The following PAPLN variants were observed in gnomAD, a reference collection of about 807,000 sequenced individuals.
PAPLN encodes the protein papilin, proteoglycan like sulfated glycoprotein.
PAPLN carries 146 observed loss-of-function variants against 159.0 expected under a neutral mutation model. The ratio of observed to expected loss-of-function variants is 0.92; its 90% confidence interval spans 0.80 to 1.05. The LOEUF (loss-of-function observed/expected upper bound fraction) is 1.05, where lower values mean the gene tolerates loss of function less well. Among genes scored for constraint, PAPLN ranks in the 50% least tolerant of loss-of-function variants. The pLI, the probability that PAPLN is intolerant of heterozygous loss-of-function variation, is 0.00. For synonymous variants in PAPLN, 734 were observed against 702.9 expected, an observed-to-expected ratio of 1.04 and a Z score of -0.70; for missense variants, 1,720 against 1,743.9, an observed-to-expected ratio of 0.99 and a Z score of 0.24.
intron 18 of PAPLN, among the ~76,000 whole-genome samples, chr14:73,261,833 A>G (rs1395136187): frequency 6.6e-6 from 1 of 151,924 alleles, no homozygotes; most frequent in Non-Finnish European, 1.5e-5. Flanking sequence ...ATGTGGAGAG[A>G]TGGGTCAGGC....
intron 11 of PAPLN, chr14:73,253,012 G>A: frequency 1.9e-6 from 2 of 1,050,756 alleles, no homozygotes; most frequent in South Asian, 1.4e-5. Flanking sequence ...GAACACCTAG[G>A]CTTGGTGGCA....
chr14:73,247,671 T>TGCGC (rs1884592213), intron 5 of PAPLN, among the ~76,000 whole-genome samples: 1 of 149,268 alleles, frequency 6.7e-6, no homozygotes, highest in Non-Finnish European at 1.5e-5. Context: ...TGCGTGTGTG[T>TGCGC]GTGTGTGTGT....
At position 73,250,339 on chromosome 14, in the gene PAPLN, C is replaced by T. The variant is rs907199230; in HGVS notation, c.465+225C>T. Among the ~76,000 whole-genome samples the T allele has an allele frequency of 3.3e-5, 5 of 152,216 alleles. No individual in the cohort carries two copies. In the East Asian group the frequency reaches 5.8e-4, roughly 18 times the overall value. On this transcript the variant is annotated intron_variant, in intron 6 of 26. Coordinates refer to ENST00000644200, the MANE Select transcript of PAPLN (RefSeq NM_001365906.3). ...AACGCTAGCCCTACAATAAGAGAAA[C>T]CCTCTGGGTGGCAGAAATCCGGCTA...
At chr14:73,262,150 C>T in intron 18 of PAPLN, 200 bp from the exon 19 acceptor site, 1 of 559,100 alleles carries the variant, frequency 1.8e-6, no homozygotes. Context: ...GTGGCACCAG[C>T]CGGGGGCAGG....
chr14:73,263,407 T>C, intron 19 of PAPLN: 1 of 580,606 alleles, frequency 1.7e-6, no homozygotes, highest in South Asian at 2.1e-5. Context: ...ACCTACCTTG[T>C]TGCTGCTACA....
chr14:73,272,807 G>GT lies in PAPLN; in HGVS notation c.*146dup. 1.1e-6 allele frequency: 1 copy of GT among 892,254 alleles called. No individual in the cohort carries two copies. The highest frequency in any genetic ancestry group is 3.9e-5 in the South Asian group (1 of 25,834). 55.3% of individuals were successfully genotyped at this position (892,254 alleles called of 1,614,324 possible). On this transcript the variant is annotated 3_prime_UTR_variant, in exon 27 of 27. Coordinates refer to ENST00000644200, the MANE Select transcript of PAPLN (RefSeq NM_001365906.3). ...TAGCTCTTTCAAAAACCCACCCAGT[G>GT]TTTAGCCTCAACGGCAGCCAGTTAC...
At position 73,250,010 on chromosome 14, in the gene PAPLN, A is replaced by G. The variant is rs1885052353; in HGVS notation, c.361A>G (p.Ile121Val). The G allele has an allele frequency of 6.2e-7, 1 of 1,611,820 alleles. No homozygotes were observed. Among genetic ancestry groups the G allele is most frequent in the Non-Finnish European group, 8.5e-7 (1 of 1,179,032 alleles). Residue 121 changes from isoleucine to valine, a missense_variant, in exon 6 of 27, where the codon ATT becomes GTT. Coordinates refer to ENST00000644200, the MANE Select transcript of PAPLN (RefSeq NM_001365906.3). ...SAPNKCELNC[I>V]PKGENFYYKH... is the part of the protein sequence containing the mutation. The stretch of plus-strand genomic sequence containing the variant: ...CCCAAACAAGTGTGAACTGAACTGC[A>G]TTCCCAAGGGGGAGAACTTCTACTA...
In PAPLN at chr14:73,264,246, A is replaced by C. The variant is rs768343991; in HGVS notation, c.2897A>C (p.His966Pro). ...RLQFDGSLII[H>P]PLQAEDAGTY... Reference sequence around the variant, plus strand: ...CAGTTCGACGGATCCCTGATCATCCACCCCCTGCAGGCAGAGGACGCGGGC... The same window carrying C: ...CAGTTCGACGGATCCCTGATCATCCCCCCCCTGCAGGCAGAGGACGCGGGC... The change falls in exon 21 of 27, where the codon CAC becomes CCC. Residue 966 changes from histidine to proline, a missense_variant. Coordinates refer to ENST00000644200, the MANE Select transcript of PAPLN (RefSeq NM_001365906.3). 6.2e-7 allele frequency: 1 copy of C among 1,613,112 alleles called. No homozygotes were observed. The highest frequency in any genetic ancestry group is 1.1e-5 in the South Asian group (1 of 91,020).
intron 6 of PAPLN, 107 bp from the exon 7 acceptor site, chr14:73,250,800 C>T: frequency 7.3e-7 from 1 of 1,366,042 alleles, no homozygotes. Context: ...TCCCGACCAC[C>T]CTATCCTGCC....
Position 73,264,010 on chromosome 14 carries a change from G to GTGTGTGTGACGGCCCCCCTACC in PAPLN, c.2862-200_2862-199insGTGTGTGACGGCCCCCCTACCT. The GTGTGTGTGACGGCCCCCCTACC allele has an allele frequency of 2.0e-6, 3 of 1,515,218 alleles. No homozygotes were observed. The East Asian group carries it at 7.6e-5, about 39-fold the overall frequency. 93.9% of individuals were successfully genotyped at this position (1,515,218 alleles called of 1,614,324 possible). A position where few individuals can be genotyped will look rare whatever the true frequency, so the allele number is the denominator to read the frequency against. ...ACAGCCCCCCGACCTCCTCTGACAG[G>GTGTGTGTGACGGCCCCCCTACC]TTCACGTGACAGCTCCCTCCACCTC... On this transcript the variant is annotated intron_variant, in intron 20 of 26. Transcript: ENST00000644200.
chr14:73,270,641 G>A (rs1014101118), intron 26 of PAPLN, among the ~76,000 whole-genome samples: 1 of 152,226 alleles, frequency 6.6e-6, no homozygotes, highest in African/African-American at 2.4e-5. Flanking sequence ...CAGATTCACA[G>A]TGAGAGAACT....
chr14:73,247,653 TGTGTGTGTGC>T (rs1884580440), intron 5 of PAPLN, among the ~76,000 whole-genome samples: 3 of 140,736 alleles, frequency 2.1e-5, no homozygotes, highest in South Asian at 2.3e-4. Flanking sequence ...TCTTATCCTG[TGTGTGTGTGC>T]GTGTGTGTGT....
intron 26 of PAPLN, among the ~76,000 whole-genome samples, chr14:73,269,789 T>C (rs1466838846): frequency 6.6e-6 from 1 of 152,222 alleles, no homozygotes; most frequent in Non-Finnish European, 1.5e-5. Flanking sequence ...GGGCCCTTCC[T>C]GCCTGGTCTT....
At position 73,245,667 on chromosome 14, in the gene PAPLN, G is replaced by T. The variant is rs769846702; in HGVS notation, c.202G>T (p.Ala68Ser). The T allele has an allele frequency of 2.6e-6, 4 of 1,557,074 alleles. No homozygotes were observed. The highest frequency in any genetic ancestry group is 1.4e-5 in the African/African-American group (1 of 73,706). ...TGGAGGCTCCAGCTGCGTGGGCCCC[G>T]CCCGGAGCCACCGCTCTTGTCGCAC... ...RDGGSSCVGP[A>S]RSHRSCRTES... Residue 68 changes from alanine to serine, a missense_variant, in exon 4 of 27, where the codon GCC (alanine) becomes TCC (serine). Physicochemically the swap from Ala to Ser is moderately conservative, Grantham distance 99. Coordinates refer to ENST00000644200, the MANE Select transcript of PAPLN (RefSeq NM_001365906.3). The surrounding 1 kb of genome is among the most constrained non-coding windows in gnomAD (Gnocchi z 4.2).
Position 73,251,777 on chromosome 14 carries a change from GA to G in PAPLN, c.785del (p.Asp262AlafsTer210). ...ILHYERGAEG[D>X]LAPERLHARG... ...GCATTACGAGCGGGGTGCTGAGGGG[GA>G]CCTGGCCCCTGAGCGACTCCATGCC... On this transcript the variant is annotated frameshift_variant, in exon 9 of 27. Coordinates refer to ENST00000644200, the MANE Select transcript of PAPLN (RefSeq NM_001365906.3). LOFTEE classifies it high-confidence loss of function. 6.2e-7 allele frequency: 1 copy of G among 1,609,884 alleles called. No individual in the cohort carries two copies. Among genetic ancestry groups the G allele is most frequent in the East Asian group, 2.2e-5 (1 of 44,872 alleles).
intron 15 of PAPLN, 100 bp from the exon 16 acceptor site, chr14:73,259,169 G>A (rs1566694744): frequency 6.6e-7 from 1 of 1,525,290 alleles, no homozygotes; most frequent in African/African-American, 1.4e-5. Context: ...GTGGAAGGGA[G>A]AATGGTCCAG....
In PAPLN at chr14:73,263,777, T is replaced by C. The variant is rs1220958400; in HGVS notation, c.2856T>C (p.Ser952=). The C allele has an allele frequency of 1.2e-6, 2 of 1,602,214 alleles. No homozygotes were observed. The highest frequency in any genetic ancestry group is 1.7e-6 in the Non-Finnish European group (2 of 1,179,502). ...AWQKDGQPIS[S]DRHRLQFDGS... is the part of the protein sequence containing the mutation. ...AGAAAGATGGCCAGCCCATCTCCTCTGACAGGTGGGTGAGAGTCCCCCCAC... is the reference window on the plus strand; with the variant it reads ...AGAAAGATGGCCAGCCCATCTCCTCCGACAGGTGGGTGAGAGTCCCCCCAC... The change falls in exon 20 of 27, where the codon TCT becomes TCC. Residue 952 remains serine, a synonymous_variant. Coordinates refer to ENST00000644200, the MANE Select transcript of PAPLN (RefSeq NM_001365906.3).
At position 73,273,626 on chromosome 14, in the gene PAPLN, C is replaced by T. The variant is rs1566716879; in HGVS notation, c.*962C>T. 6.6e-6 allele frequency: 1 copy of T among 152,218 alleles called. No individual in the cohort carries two copies. Among genetic ancestry groups the T allele is most frequent in the Non-Finnish European group, 1.5e-5 (1 of 68,048 alleles). 9.4% of individuals were successfully genotyped at this position (152,218 alleles called of 1,614,324 possible). A position where few individuals can be genotyped will look rare whatever the true frequency, so the allele number is the denominator to read the frequency against. On this transcript the variant is annotated 3_prime_UTR_variant, in exon 27 of 27. Coordinates refer to ENST00000644200, the MANE Select transcript of PAPLN (RefSeq NM_001365906.3). The stretch of plus-strand genomic sequence containing the variant: ...TTTAAAGCTAGCTGTCAGGGTTCCA[C>T]TTAATTTAAAGCTGGGCAGGGAGAT...
At chr14:73,247,682 TGTG>T (rs1200228416) in intron 5 of PAPLN, among the ~76,000 whole-genome samples, 6 of 57,284 alleles carry the variant, frequency 1.0e-4, no homozygotes, top group South Asian at 5.6e-4. Context: ...GTGTGTGTGT[TGTG>T]GGGATCGTGG....
Sources: gnomAD v4.1 joint callset for allele counts (sites outside exome capture counted in the v4.1 genomes callset) on GRCh38, gnomAD v4.1.1 for gene constraint, Gnocchi (gnomAD v3.1) non-coding constraint, MANE v1.5 for transcripts, NCBI Gene and HGNC (gene_info 2026-07-23, HGNC 2026-07-21) for gene names.